ZNF605: variants seen among roughly 807,000 people sequenced by gnomAD.
ZNF605 encodes zinc finger protein 605.
ZNF605 carries 9 observed loss-of-function variants against 7.9 expected under a neutral mutation model. The ratio of observed to expected loss-of-function variants is 1.14; its 90% CI spans 0.68 to 1.98. The LOEUF is 1.98. ZNF605 is among the 30% of genes most tolerant of loss of function. The probability of loss-of-function intolerance (pLI) is 0.00; values close to 1 mark genes in which losing one functional copy is unlikely to be tolerated. For missense variants in ZNF605, 673 were observed against 762.4 expected (o/e 0.88, Z 1.38); for synonymous variants, 255 against 260.1 (o/e 0.98, Z 0.19).
At chr12:132,938,673 C>G (rs1456603900) in intron 3 of ZNF605, among the ~76,000 whole-genome samples, 5 of 152,224 alleles carry the variant, frequency 3.3e-5, no homozygotes, top group Non-Finnish European at 7.3e-5. Flanking sequence ...GCCCTTCAGT[C>G]CCCCACTGCA....
intron 2 of ZNF605, 60 bp from the exon 3 acceptor site, chr12:132,945,857 T>TG (rs1354550564): frequency 1.5e-6 from 1 of 661,954 alleles, no homozygotes; most frequent in Non-Finnish European, 2.6e-6. Flanking sequence ...ACCTAAATCT[T>TG]GGTGTTCTCT....
chr12:132,937,802 T>C (rs1011280178), intron 3 of ZNF605, among the ~76,000 whole-genome samples: 5 of 152,204 alleles, frequency 3.3e-5, no homozygotes, highest in Admixed American at 3.3e-4. Context: ...ACAATTAAGA[T>C]GTCCTTCAAT....
Position 132,920,761 on chromosome 12 carries a change from C to G in ZNF605, c.*4612G>C, listed in dbSNP as rs1952198405. 6.6e-6 allele frequency: 1 copy of G among 152,242 alleles called. No homozygotes were observed. The highest frequency in any genetic ancestry group is 1.5e-5 in the Non-Finnish European group (1 of 68,074). The allele number at this position is 152,242 out of a possible 1,614,324, so 9.4% of individuals were successfully genotyped here. On this transcript the variant is annotated 3_prime_UTR_variant, in exon 5 of 5. Coordinates refer to ENST00000360187, the MANE Select transcript of ZNF605 (RefSeq NM_183238.4). ...TCATGGCTCACTGCAGCCTTGAACT[C>G]CTGGGCTCAAGTGACCCTTCTGCCT...
intron 3 of ZNF605, among the ~76,000 whole-genome samples, chr12:132,937,445 G>A (rs906393719): frequency 2.6e-5 from 4 of 151,070 alleles, no homozygotes; most frequent in Non-Finnish European, 2.9e-5. Context: ...AAAGGTGAAT[G>A]CAAATTAAAA....
Position 132,926,032 on chromosome 12 carries a change from A to G in ZNF605, c.1267T>C (p.Cys423Arg). The change falls in exon 5 of 5, where the codon TGC becomes CGC. Residue 423 changes from cysteine (C) to arginine (R), a missense_variant. Transcript: ENST00000360187. Reference protein sequence around the residue: ...KIHLGEKPYGCIQCGKTFFGK... With the variant: ...KIHLGEKPYGRIQCGKTFFGK... ...AAGAAGGTTTTCCCACATTGAATGC[A>G]TCCATATGGTTTCTCTCCTAAGTGA... 6.2e-7 allele frequency: 1 copy of G among 1,614,188 alleles called. No homozygotes were observed. Among genetic ancestry groups the G allele is most frequent in the Non-Finnish European group, 8.5e-7 (1 of 1,180,038 alleles).
intron 3 of ZNF605, among the ~76,000 whole-genome samples, chr12:132,943,528 T>C (rs938964545): frequency 1.3e-5 from 2 of 152,122 alleles, no homozygotes; most frequent in Admixed American, 6.6e-5. Context: ...GGTCGTGATC[T>C]CACACATTTG....
chr12:132,929,036 A>AC (rs1283226011), intron 4 of ZNF605, among the ~76,000 whole-genome samples: 2 of 13,578 alleles, frequency 1.5e-4, no homozygotes, highest in African/African-American at 1.9e-4. Flanking sequence ...AAACAAAACA[A>AC]AACAAAACAA....
intron 3 of ZNF605, chr12:132,945,112 C>A: frequency 2.8e-6 from 1 of 361,036 alleles, no homozygotes; most frequent in Non-Finnish European, 5.2e-6. Context: ...CTCAGCCTCC[C>A]GAGTAGCTGG....
rs1952182934 is a variant in ZNF605, at chr12:132,919,330, C to T, written c.*6043G>A. 6.6e-6 allele frequency: 1 copy of T among 151,426 alleles called. No homozygotes were observed. The highest frequency in any genetic ancestry group is 2.4e-5 in the African/African-American group (1 of 41,168). 9.4% of individuals were successfully genotyped at this position (151,426 alleles called of 1,614,324 possible). On this transcript the variant is annotated 3_prime_UTR_variant, in exon 5 of 5. Transcript: ENST00000360187. ...CTCCTCTCCTCCCAGCTGGGCCTCC[C>T]AAAGTCCTGGGATTGCAGGCATGAG...
At chr12:132,935,092 G>C (rs1238426762) in intron 3 of ZNF605, among the ~76,000 whole-genome samples, 1 of 152,166 alleles carries the variant, frequency 6.6e-6, no homozygotes, top group African/African-American at 2.4e-5. Context: ...CTTTAAAAGG[G>C]AACGTGGAAA....
chr12:132,928,076 A>G lies in ZNF605; in HGVS notation c.137-914T>C, dbSNP rs1952266570. Among the ~76,000 whole-genome samples, 9 of 152,344 alleles carry G rather than the reference A, an allele frequency of 5.9e-5. No individual in the cohort carries two copies. The South Asian group carries it at 1.9e-3, about 32-fold the overall frequency. On this transcript the variant is annotated intron_variant, in intron 4 of 4. Transcript: ENST00000360187. ...AAGTGATTAGTTTACTTTTTTGACA[A>G]TAATCTATGATTATCTACTATGTGT...
intron 3 of ZNF605, among the ~76,000 whole-genome samples, chr12:132,934,558 T>C (rs904391178): frequency 1.3e-5 from 2 of 151,508 alleles, no homozygotes; most frequent in Admixed American, 1.3e-4. Context: ...ATACAAAAAT[T>C]AGCCAAGTGT....
chr12:132,942,703 C>T (rs1300697975), intron 3 of ZNF605, among the ~76,000 whole-genome samples: 2 of 152,196 alleles, frequency 1.3e-5, no homozygotes, highest in African/African-American at 4.8e-5. Flanking sequence ...CCTGTCTCAG[C>T]CTGGAAGACA....
At chr12:132,952,678 C>T (rs1952584973) in intron 1 of ZNF605, among the ~76,000 whole-genome samples, 2 of 151,354 alleles carry the variant, frequency 1.3e-5, no homozygotes, top group Admixed American at 1.3e-4. Flanking sequence ...ATGGAAGAGG[C>T]CTAGGAGGTA....
intron 1 of ZNF605, among the ~76,000 whole-genome samples, chr12:132,954,596 C>G (rs12320900): frequency 0.41 from 62,163 of 150,066 alleles, 13,050 homozygotes; most frequent in Non-Finnish European, 0.44. Flanking sequence ...CGCCACAGAC[C>G]CCCTAAATTA....
chr12:132,948,001 G>T (rs1952511942), intron 2 of ZNF605, 147 bp downstream of exon 2: 1 of 152,084 alleles, frequency 6.6e-6, no homozygotes. Flanking sequence ...ATCTTTTCCA[G>T]TTTTAAAAAC....
At position 132,921,260 on chromosome 12, in the gene ZNF605, C is replaced by T. The variant is rs1051622000; in HGVS notation, c.*4113G>A. On this transcript the variant is annotated 3_prime_UTR_variant, in exon 5 of 5. Coordinates refer to ENST00000360187, the MANE Select transcript of ZNF605 (RefSeq NM_183238.4). ...CACTGGGATTACAGGTGTGAGACAC[C>T]ACCCCCAGTTGAAAAGTTACTTTGG... The T allele has an allele frequency of 1.3e-5, 2 of 152,144 alleles. No homozygotes were observed. The highest frequency in any genetic ancestry group is 2.9e-5 in the Non-Finnish European group (2 of 68,022). The allele number at this position is 152,144 out of a possible 1,614,324, so 9.4% of individuals were successfully genotyped here.
chr12:132,943,284 G>A (rs1341407700), intron 3 of ZNF605, among the ~76,000 whole-genome samples: 6 of 151,838 alleles, frequency 4.0e-5, no homozygotes, highest in Admixed American at 6.6e-5. Context: ...GTGTGAACCC[G>A]GGAGGCGGAG....
chr12:132,944,625 C>A (rs953668028), intron 3 of ZNF605, among the ~76,000 whole-genome samples: 1 of 152,182 alleles, frequency 6.6e-6, no homozygotes, highest in East Asian at 1.9e-4. Flanking sequence ...GGATGTGCAA[C>A]CAAGACCCCA....
Sources: allele counts gnomAD v4.1 joint callset (sites outside exome capture counted in the v4.1 genomes callset), GRCh38; gene constraint gnomAD v4.1.1; transcripts MANE v1.5; gene names NCBI Gene and HGNC (gene_info 2026-07-23, HGNC 2026-07-21).